The following ENY2 variants were observed in gnomAD, a reference collection of about 807,000 sequenced individuals.
ENY2 encodes the protein ENY2 transcription and export complex 2 subunit.
Under a neutral mutation model 15.9 loss-of-function variants are expected in ENY2, and 4 were observed. The ratio of observed to expected loss-of-function variants is 0.25; its 90% CI spans 0.12 to 0.57. ENY2 has a LOEUF of 0.57. Ranked by LOEUF, ENY2 falls within the 20% of genes least tolerant of loss-of-function variation. The pLI, the probability that ENY2 is intolerant of heterozygous loss-of-function variation, is 0.91. For synonymous variants in ENY2, 48 were observed against 38.0 expected (o/e 1.26, Z -0.97); for missense variants, 54 against 117.2 (o/e 0.46, Z 2.49).
intron 2 of ENY2, chr8:109,339,029 G>A (rs1458919): frequency 0.39 from 148,938 of 386,166 alleles, 29,938 homozygotes; most frequent in Admixed American, 0.5. Context: ...AGAGGACGGT[G>A]GAGAGTATAT....
chr8:109,334,455 C>T lies in ENY2; in HGVS notation c.-14C>T. 1.2e-6 allele frequency: 2 copies of T among 1,613,870 alleles called. No homozygotes were observed. Among genetic ancestry groups the T allele is most frequent in the Non-Finnish European group, 1.7e-6 (2 of 1,179,938 alleles). On this transcript the variant is annotated 5_prime_UTR_variant, in exon 1 of 5. Coordinates refer to ENST00000521688, the MANE Select transcript of ENY2 (RefSeq NM_020189.6). ...CATTTCGTCGCTGGGAAGGGACGGCCCTCGCCCGCGGTGATGGTGGTGAGC... is the reference window on the plus strand; with the variant it reads ...CATTTCGTCGCTGGGAAGGGACGGCTCTCGCCCGCGGTGATGGTGGTGAGC...
At chr8:109,336,984 G>A (rs904843883) in intron 2 of ENY2, among the ~76,000 whole-genome samples, 5 of 151,642 alleles carry the variant, frequency 3.3e-5, no homozygotes, top group African/African-American at 9.7e-5. Flanking sequence ...AACTCAACCC[G>A]GGCATTCAGG....
chr8:109,339,265 T>A, intron 2 of ENY2, 55 bp from the exon 3 acceptor site: 1 of 1,535,502 alleles, frequency 6.5e-7, no homozygotes, highest in Non-Finnish European at 9.0e-7. Flanking sequence ...GCTTCATACA[T>A]TCCTGTCTAA....
At chr8:109,338,289 G>T (rs1233895986) in intron 2 of ENY2, 1 of 152,206 alleles carries the variant, frequency 6.6e-6, no homozygotes, top group Admixed American at 6.5e-5. Flanking sequence ...CTAGGTATAT[G>T]TTTTAAATTG....
At chr8:109,342,351 G>A (rs1187088343) in intron 4 of ENY2, among the ~76,000 whole-genome samples, 2 of 151,232 alleles carry the variant, frequency 1.3e-5, no homozygotes, top group Non-Finnish European at 2.9e-5. Context: ...CACGTAATAT[G>A]AGAGTGCTCC....
At chr8:109,334,605 C>G (rs918076203) in intron 1 of ENY2, 131 bp downstream of exon 1, 3 of 1,142,268 alleles carry the variant, frequency 2.6e-6, no homozygotes, top group South Asian at 1.6e-5. Flanking sequence ...GGCGTGCTAC[C>G]GGAGTTGGCC....
Position 109,344,781 on chromosome 8 carries a change from T to G in ENY2, c.*1300T>G, listed in dbSNP as rs1017181540. 1.3e-5 allele frequency: 2 copies of G among 152,176 alleles called. No homozygotes were observed. Among genetic ancestry groups the G allele is most frequent in the African/African-American group, 2.4e-5 (1 of 41,456 alleles). 9.4% of individuals were successfully genotyped at this position (152,176 alleles called of 1,614,324 possible). A position where few individuals can be genotyped will look rare whatever the true frequency, so the allele number is the denominator to read the frequency against. ...GCTGTAAATTATCCACTACGTGCCC[T>G]CGTAATTGTCTTAGTTCAAGCCCAG... On this transcript the variant is annotated 3_prime_UTR_variant, in exon 5 of 5. Coordinates refer to ENST00000521688, the MANE Select transcript of ENY2 (RefSeq NM_020189.6).
At position 109,336,222 on chromosome 8, in the gene ENY2, T is replaced by G; in HGVS notation, c.83+18T>G. On this transcript the variant is annotated intron_variant, in intron 2 of 4. Transcript: ENST00000521688. ...AGAGAACGGTAAGTAATAGATTGTG[T>G]TAATAAATTACATTTCACCGCCTTT... 6.3e-7 allele frequency: 1 copy of G among 1,593,262 alleles called. No individual in the cohort carries two copies. The highest frequency in any genetic ancestry group is 1.7e-5 in the Admixed American group (1 of 59,806).
intron 2 of ENY2, 36 bp downstream of exon 2, chr8:109,336,240 CCGCCT>C (rs1283425364): frequency 2.0e-6 from 3 of 1,525,440 alleles, no homozygotes; most frequent in Non-Finnish European, 1.8e-6. Context: ...TTACATTTCA[CCGCCT>C]TTAATAGTTA....
intron 4 of ENY2, among the ~76,000 whole-genome samples, chr8:109,342,536 A>C (rs1210932424): frequency 1.4e-5 from 2 of 141,308 alleles, no homozygotes; most frequent in Admixed American, 7.3e-5. Context: ...TTGAGATAGG[A>C]TCTTGCTCTG....
At chr8:109,343,341 A>G (rs1246149119) in intron 4 of ENY2, 64 bp from the exon 5 acceptor site, 54 of 1,299,720 alleles carry the variant, frequency 4.2e-5, no homozygotes, top group Non-Finnish European at 4.4e-5. Context: ...AAAATGTCAG[A>G]TCTTAAATTC....
chr8:109,334,577 T>C (rs1563690479), intron 1 of ENY2, 103 bp downstream of exon 1: 1 of 1,389,022 alleles, frequency 7.2e-7, no homozygotes, highest in Non-Finnish European at 9.5e-7. Flanking sequence ...CTCGCGGGCC[T>C]GTAGGGCTCT....
chr8:109,334,359 G>C lies in ENY2; in HGVS notation c.-110G>C, dbSNP rs770148022. The C allele has an allele frequency of 2.0e-6, 3 of 1,515,736 alleles. No individual in the cohort carries two copies. The highest frequency in any genetic ancestry group is 3.4e-4 in the Middle Eastern group (2 of 5,894). 93.9% of individuals were successfully genotyped at this position (1,515,736 alleles called of 1,614,324 possible). A position where few individuals can be genotyped will look rare whatever the true frequency, so the allele number is the denominator to read the frequency against. On this transcript the variant is annotated 5_prime_UTR_variant, in exon 1 of 5. Transcript: ENST00000521688. Reference sequence around the variant, plus strand: ...GTTCTAGCTTTCTGTGTGCTTAGGTGCCCGAGCTACTGAGGGTCTAAGTCC... The same window carrying C: ...GTTCTAGCTTTCTGTGTGCTTAGGTCCCCGAGCTACTGAGGGTCTAAGTCC...
In ENY2 at chr8:109,343,382, ATTTT is replaced by A. The variant is rs749679679; in HGVS notation, c.230-19_230-16del. The A allele has an allele frequency of 1.3e-6, 2 of 1,587,112 alleles. No individual in the cohort carries two copies. The highest frequency in any genetic ancestry group is 2.3e-5 in the South Asian group (2 of 87,024). Reference sequence around the variant, plus strand: ...TATTAATTGGTACCTTCTTACTCTTATTTTTTTATTTTTGTTTTTCAGCCCTGGT... The same window carrying A: ...TATTAATTGGTACCTTCTTACTCTTATTTATTTTTGTTTTTCAGCCCTGGT... On this transcript the variant is annotated intron_variant, in intron 4 of 4. Transcript: ENST00000521688.
rs1241132126 is a variant in ENY2, at chr8:109,344,469, T to A, written c.*988T>A. 1.3e-5 allele frequency: 2 copies of A among 152,272 alleles called. No homozygotes were observed. The highest frequency in any genetic ancestry group is 2.9e-5 in the Non-Finnish European group (2 of 68,058). The allele number at this position is 152,272 out of a possible 1,614,324, so 9.4% of individuals were successfully genotyped here. A position where few individuals can be genotyped will look rare whatever the true frequency, so the allele number is the denominator to read the frequency against. ...ATGCTAAACTGTCTCCAAACCAGAC[T>A]TCATCCTAGCCTCCACACCCAGACA... On this transcript the variant is annotated 3_prime_UTR_variant, in exon 5 of 5. Coordinates refer to ENST00000521688, the MANE Select transcript of ENY2 (RefSeq NM_020189.6).
chr8:109,342,869 G>A (rs1196595568), intron 4 of ENY2: 1 of 525,218 alleles, frequency 1.9e-6, no homozygotes, highest in Non-Finnish European at 3.4e-6. Flanking sequence ...TGTAAATGTG[G>A]TTTTAATTTC....
chr8:109,334,550 A>T lies in ENY2; in HGVS notation c.6+76A>T. 3 of 1,523,508 alleles carry T rather than the reference A, an allele frequency of 2.0e-6. No homozygotes were observed. The Admixed American group carries it at 6.5e-5, about 33-fold the overall frequency. The allele number at this position is 1,523,508 out of a possible 1,614,324, so 94.4% of individuals were successfully genotyped here. A position where few individuals can be genotyped will look rare whatever the true frequency, so the allele number is the denominator to read the frequency against. On this transcript the variant is annotated intron_variant, in intron 1 of 4. Transcript: ENST00000521688. ...TCCTTTCGATGTACTGTCTTTCGTT[A>T]GCGTCCCCGACCCGCGCTCGCGGGC...
At chr8:109,336,280 T>G in intron 2 of ENY2, 76 bp downstream of exon 2, 1 of 1,186,714 alleles carries the variant, frequency 8.4e-7, no homozygotes. Context: ...AAACAAGAAA[T>G]GAAACATGTC....
intron 2 of ENY2, chr8:109,338,504 T>A (rs891908514): frequency 1.3e-5 from 2 of 152,204 alleles, no homozygotes; most frequent in African/African-American, 2.4e-5. Flanking sequence ...AATATTAAGA[T>A]GAGAATGTCA....
Sources: allele counts gnomAD v4.1 joint callset (sites outside exome capture counted in the v4.1 genomes callset), GRCh38; gene constraint gnomAD v4.1.1; transcripts MANE v1.5; gene names NCBI Gene and HGNC (gene_info 2026-07-23, HGNC 2026-07-21).